Variants in ABCB1 observed in about 807,000 individuals in gnomAD.
ABCB1 encodes ATP binding cassette subfamily B member 1, also known as ATP-dependent translocase ABCB1.
A neutral mutation model predicts 142.0 loss-of-function variants in ABCB1; 69 were observed. That is an observed-to-expected ratio of 0.49 (90% confidence interval 0.40 to 0.59). The LOEUF is 0.59. ABCB1 is among the 20% of genes least tolerant of loss of function. The pLI is 0.00. For missense variants in ABCB1, 1,326 were observed against 1,554.7 expected (o/e 0.85, Z 2.47); for synonymous variants, 532 against 539.2 (o/e 0.99, Z 0.18).
intron 1 of ABCB1, among the ~76,000 whole-genome samples, chr7:87,656,482 G>T (rs1273426686): frequency 6.6e-6 from 1 of 151,812 alleles, no homozygotes; most frequent in Non-Finnish European, 1.5e-5. Context: ...GACTGAAAAA[G>T]AAGAACATGT....
intron 1 of ABCB1, among the ~76,000 whole-genome samples, chr7:87,622,227 A>G (rs1408241878): frequency 6.6e-6 from 1 of 152,160 alleles, no homozygotes; most frequent in African/African-American, 2.4e-5. Flanking sequence ...CAATAAACAA[A>G]TATGATCATG....
intron 1 of ABCB1, among the ~76,000 whole-genome samples, chr7:87,655,693 A>G (rs1258539913): frequency 6.6e-6 from 1 of 152,138 alleles, no homozygotes; most frequent in African/African-American, 2.4e-5. Context: ...AAAATTCCTA[A>G]AAGAGTATAT....
At chr7:87,561,497 G>C (rs779916612) in intron 7 of ABCB1, 110 bp from the exon 8 acceptor site, 15 of 1,106,006 alleles carry the variant, frequency 1.4e-5, no homozygotes, top group Admixed American at 2.3e-5. Context: ...TGCATGTGTA[G>C]AGCAAAATCT....
intron 8 of ABCB1, among the ~76,000 whole-genome samples, chr7:87,556,707 A>G (rs1817327237): frequency 6.6e-6 from 1 of 152,140 alleles, no homozygotes; most frequent in Non-Finnish European, 1.5e-5. Flanking sequence ...GACTTCTCGC[A>G]TCCATTCATG....
chr7:87,684,772 A>AAGAAT (rs1161152828), intron 1 of ABCB1, among the ~76,000 whole-genome samples: 4 of 150,208 alleles, frequency 2.7e-5, no homozygotes, highest in East Asian at 3.9e-4. Context: ...AAAAAAAAAA[A>AAGAAT]AGAATAGAAT....
At chr7:87,678,813 A>T (rs903790379) in intron 1 of ABCB1, among the ~76,000 whole-genome samples, 1 of 152,218 alleles carries the variant, frequency 6.6e-6, no homozygotes, top group African/African-American at 2.4e-5. Flanking sequence ...CAGAACAAAG[A>T]AAACTGACAG....
At chr7:87,515,625 C>CT (rs1374828818) in intron 24 of ABCB1, among the ~76,000 whole-genome samples, 197 bp from the exon 25 acceptor site, 2 of 152,046 alleles carry the variant, frequency 1.3e-5, no homozygotes, top group African/African-American at 4.8e-5. Context: ...GAGTCTCACT[C>CT]TGTCACCCAG....
intron 26 of ABCB1, 158 bp from the exon 27 acceptor site, chr7:87,506,201 G>C: frequency 1.4e-6 from 1 of 694,230 alleles, no homozygotes. Flanking sequence ...CAGTAAAAAA[G>C]CCCAAAATGG....
chr7:87,700,308 C>A, intron 1 of ABCB1: 1 of 814,108 alleles, frequency 1.2e-6, no homozygotes, highest in Non-Finnish European at 1.8e-6. Flanking sequence ...GGTGCCCTTG[C>A]CATTATAGTT....
intron 1 of ABCB1, among the ~76,000 whole-genome samples, chr7:87,613,534 TA>T (rs1229847057): frequency 6.6e-6 from 1 of 151,998 alleles, no homozygotes; most frequent in Non-Finnish European, 1.5e-5. Context: ...TACAGAGCCA[TA>T]AAAAAAGAAC....
upstream of ABCB1, among the ~76,000 whole-genome samples, chr7:87,604,522 ATGATAGGGGATATTAAATGACTGTACT>A (rs1423354837): frequency 1.4e-4 from 21 of 152,186 alleles, no homozygotes; most frequent in African/African-American, 2.7e-4. Context: ...AGGACATGTG[ATGATAGGGGATATTAAATGACTGTACT>A]TGATAGGGGA....
chr7:87,505,253 C>T (rs966663657), intron 27 of ABCB1, among the ~76,000 whole-genome samples: 3 of 152,174 alleles, frequency 2.0e-5, no homozygotes, highest in African/African-American at 7.2e-5. Context: ...GTGTGAGCCA[C>T]GGCAGTAGGT....
At chr7:87,622,751 G>T (rs1050971775) in intron 1 of ABCB1, among the ~76,000 whole-genome samples, 15 of 152,140 alleles carry the variant, frequency 9.9e-5, no homozygotes, top group Non-Finnish European at 1.6e-4. Context: ...TAAATTATGG[G>T]CCAGTCATGG....
At chr7:87,704,963 C>T (rs895767954) in intron 1 of ABCB1, among the ~76,000 whole-genome samples, 7 of 152,176 alleles carry the variant, frequency 4.6e-5, no homozygotes, top group African/African-American at 1.4e-4. Flanking sequence ...TGCCTTGACA[C>T]ATGTGAAAAG....
intron 27 of ABCB1, among the ~76,000 whole-genome samples, chr7:87,505,187 A>T (rs1814679922): frequency 6.6e-6 from 1 of 151,888 alleles, no homozygotes; most frequent in African/African-American, 2.4e-5. Flanking sequence ...TGGTCTCAAA[A>T]ATCCTGGGCT....
intron 5 of ABCB1, among the ~76,000 whole-genome samples, chr7:87,569,248 G>A (rs1451559460): frequency 2.7e-5 from 4 of 148,724 alleles, no homozygotes; most frequent in East Asian, 2.0e-4. Flanking sequence ...CACAAGAATC[G>A]CTTGAAGCCA....
chr7:87,515,682 C>A (rs1436816152), intron 24 of ABCB1, among the ~76,000 whole-genome samples: 3 of 152,082 alleles, frequency 2.0e-5, no homozygotes, highest in Non-Finnish European at 4.4e-5. Flanking sequence ...CCTCCACCCC[C>A]CAGGTTCAAG....
intron 7 of ABCB1, among the ~76,000 whole-genome samples, chr7:87,564,644 A>ATTTCT (rs1817712217): frequency 1.3e-5 from 2 of 152,196 alleles, no homozygotes; most frequent in Admixed American, 1.3e-4. Flanking sequence ...AGTGAACTAC[A>ATTTCT]TTTCTTTTTT....
chr7:87,687,649 G>A (rs1827601399), intron 1 of ABCB1, among the ~76,000 whole-genome samples: 1 of 152,134 alleles, frequency 6.6e-6, no homozygotes, highest in African/African-American at 2.4e-5. Flanking sequence ...ATTGATGGAA[G>A]AGTAATAATT....
Sources: gnomAD v4.1 joint callset for allele counts (sites outside exome capture counted in the v4.1 genomes callset) on GRCh38, gnomAD v4.1.1 for gene constraint, MANE v1.5 for transcripts, NCBI Gene and HGNC (gene_info 2026-07-23, HGNC 2026-07-21) for gene names.